SLC1A1: variants seen among roughly 807,000 people sequenced by gnomAD.
SLC1A1 encodes the protein solute carrier family 1 member 1, also known as excitatory amino acid transporter 3.
Under a neutral mutation model 53.3 loss-of-function variants are expected in SLC1A1, and 43 were observed. The ratio of observed to expected loss-of-function variants is 0.81; its 90% CI spans 0.63 to 1.04. The LOEUF (loss-of-function observed/expected upper bound fraction) is 1.04, where lower values mean the gene tolerates loss of function less well. Among genes scored for constraint, SLC1A1 ranks in the 50% least tolerant of loss-of-function variants. SLC1A1 has a pLI of 0.00. For synonymous variants in SLC1A1, 307 were observed against 243.2 expected (o/e 1.26, Z -2.44); for missense variants, 748 against 664.9 (o/e 1.12, Z -1.37).
At chr9:4,498,536 G>T (rs1032603808) in intron 1 of SLC1A1, among the ~76,000 whole-genome samples, 1 of 113,964 alleles carries the variant, frequency 8.8e-6, no homozygotes, top group South Asian at 3.4e-4. Context: ...TTGACATAGG[G>T]AAAACAAAAA....
intron 1 of SLC1A1, among the ~76,000 whole-genome samples, chr9:4,512,777 T>TA (rs200701403): frequency 6.6e-6 from 1 of 152,066 alleles, no homozygotes; most frequent in African/African-American, 2.4e-5. Context: ...TATTTTTTTT[T>TA]AAATTGAGAC....
chr9:4,585,196 A>G, intron 11 of SLC1A1, 116 bp from the exon 12 acceptor site: 2 of 1,382,522 alleles, frequency 1.4e-6, no homozygotes, highest in Non-Finnish European at 2.0e-6. Flanking sequence ...CCATGAGGAC[A>G]GCACTTTCTG....
At chr9:4,573,223 C>T (rs766398230) in intron 7 of SLC1A1, among the ~76,000 whole-genome samples, 7 of 152,298 alleles carry the variant, frequency 4.6e-5, no homozygotes, top group Non-Finnish European at 1.0e-4. Flanking sequence ...GTCTCGCTTA[C>T]CTCATATTTA....
intron 1 of SLC1A1, among the ~76,000 whole-genome samples, chr9:4,502,872 T>G (rs1820683338): frequency 6.6e-6 from 1 of 151,714 alleles, no homozygotes. Context: ...TCATCTTTAT[T>G]GCGTGTGGTT....
intron 1 of SLC1A1, among the ~76,000 whole-genome samples, chr9:4,501,268 C>T (rs1586690506): frequency 6.6e-6 from 1 of 150,724 alleles, no homozygotes; most frequent in South Asian, 2.1e-4. Context: ...CTGCAACCTC[C>T]ACCTCCCAGG....
At chr9:4,519,849 C>G (rs921542098) in intron 1 of SLC1A1, among the ~76,000 whole-genome samples, 1 of 152,134 alleles carries the variant, frequency 6.6e-6, no homozygotes, top group African/African-American at 2.4e-5. Flanking sequence ...CATGGGGACC[C>G]GGACCACATG....
At chr9:4,543,766 T>C (rs1817219647) in intron 1 of SLC1A1, among the ~76,000 whole-genome samples, 2 of 152,224 alleles carry the variant, frequency 1.3e-5, no homozygotes, top group South Asian at 4.1e-4. Context: ...ATCAATAGGC[T>C]ATTATATTCC....
At chr9:4,543,580 A>G (rs1038873379) in intron 1 of SLC1A1, among the ~76,000 whole-genome samples, 6 of 152,088 alleles carry the variant, frequency 3.9e-5, no homozygotes, top group Non-Finnish European at 7.4e-5. Context: ...ACATTTCTTA[A>G]TAGTGAACAT....
intron 7 of SLC1A1, among the ~76,000 whole-genome samples, chr9:4,572,709 A>C (rs1820174420): frequency 6.6e-6 from 1 of 152,092 alleles, no homozygotes; most frequent in South Asian, 2.1e-4. Context: ...CACCATGCCC[A>C]GCTATTTTTT....
intron 2 of SLC1A1, chr9:4,553,773 T>A (rs927341866): frequency 1.3e-5 from 2 of 152,334 alleles, no homozygotes; most frequent in Middle Eastern, 3.4e-3. Flanking sequence ...TTTATTTTGT[T>A]AACATCACCA....
rs370378540 is a variant in SLC1A1, at chr9:4,580,651, G to GTGTGTGTGTGTGTGTGTA, written c.1194-2386_1194-2385insGTGTGTGTGTGTGTGTAT. ...TGTGTGTGTGTGTGTGTGTGTGTGT[G>GTGTGTGTGTGTGTGTGTA]TATAAGGAATAAAGAAGAAAGACAA... On this transcript the variant is annotated intron_variant, in intron 10 of 11. Coordinates refer to ENST00000262352, the MANE Select transcript of SLC1A1 (RefSeq NM_004170.6). Among the ~76,000 whole-genome samples the GTGTGTGTGTGTGTGTGTA allele has an allele frequency of 2.1e-3, 255 of 118,822 alleles. 9 individuals carry two copies. Among genetic ancestry groups the GTGTGTGTGTGTGTGTGTA allele is most frequent in the Non-Finnish European group, 2.8e-3 (173 of 61,226 alleles). The allele number at this position is 118,822 out of a possible 152,430, so 78.0% of individuals were successfully genotyped here. A position where few individuals can be genotyped will look rare whatever the true frequency, so the allele number is the denominator to read the frequency against.
At chr9:4,507,825 C>T (rs971603926) in intron 1 of SLC1A1, among the ~76,000 whole-genome samples, 1 of 152,086 alleles carries the variant, frequency 6.6e-6, no homozygotes, top group Non-Finnish European at 1.5e-5. Flanking sequence ...TAAGTTGTAC[C>T]TGACTAAAAC....
intron 1 of SLC1A1, 60 bp downstream of exon 1, chr9:4,490,830 G>A: frequency 7.0e-7 from 1 of 1,426,992 alleles, no homozygotes. Context: ...CGCCCAGGCC[G>A]CGTGCGGCTG....
chr9:4,513,708 C>G (rs887032090), intron 1 of SLC1A1, among the ~76,000 whole-genome samples: 13 of 152,116 alleles, frequency 8.5e-5, no homozygotes, highest in African/African-American at 3.1e-4. Context: ...GTGTATAGGT[C>G]CTAGAGAAAG....
At chr9:4,540,043 C>T (rs186617075) in intron 1 of SLC1A1, among the ~76,000 whole-genome samples, 2 of 152,216 alleles carry the variant, frequency 1.3e-5, no homozygotes, top group Non-Finnish European at 1.5e-5. Context: ...GTTGCCTTTT[C>T]CAAAACCACC....
chr9:4,542,252 A>G (rs985971926), intron 1 of SLC1A1, among the ~76,000 whole-genome samples: 4 of 152,208 alleles, frequency 2.6e-5, no homozygotes, highest in African/African-American at 4.8e-5. Flanking sequence ...CAATTTCAAG[A>G]ACAAGCTTGA....
chr9:4,500,036 C>T (rs983198478), intron 1 of SLC1A1, among the ~76,000 whole-genome samples: 44 of 152,132 alleles, frequency 2.9e-4, no homozygotes, highest in Admixed American at 2.2e-3. Flanking sequence ...ACATTAATTG[C>T]TTGTGAGAAA....
At chr9:4,558,235 C>A (rs1171148023) in intron 2 of SLC1A1, among the ~76,000 whole-genome samples, 1 of 152,162 alleles carries the variant, frequency 6.6e-6, no homozygotes, top group Non-Finnish European at 1.5e-5. Context: ...CCACCCTTAT[C>A]CCCAACAATG....
chr9:4,519,610 G>C (rs1815994995), intron 1 of SLC1A1, among the ~76,000 whole-genome samples: 1 of 152,162 alleles, frequency 6.6e-6, no homozygotes, highest in African/African-American at 2.4e-5. Context: ...CAGGCCAAGG[G>C]CAGGGCTAAG....
Sources: allele counts gnomAD v4.1 joint callset (sites outside exome capture counted in the v4.1 genomes callset), GRCh38; gene constraint gnomAD v4.1.1; transcripts MANE v1.5; gene names NCBI Gene and HGNC (gene_info 2026-07-23, HGNC 2026-07-21).